Variants in PRKN observed in about 807,000 individuals in gnomAD.
The protein encoded by PRKN is E3 ubiquitin-protein ligase parkin.
A neutral mutation model predicts 59.5 loss-of-function variants in PRKN; 56 were observed. The observed-to-expected ratio is 0.94, with a 90% CI of 0.76 to 1.18. The LOEUF is 1.18. PRKN is among the 50% of genes most tolerant of loss of function. The pLI is 0.00. For synonymous variants in PRKN, 250 were observed against 222.1 expected (o/e 1.13, Z -1.12); for missense variants, 657 against 596.4 (o/e 1.10, Z -1.06).
At chr6:161,809,673 G>A (rs540018702) in intron 6 of PRKN, among the ~76,000 whole-genome samples, 3 of 151,980 alleles carry the variant, frequency 2.0e-5, no homozygotes, top group Admixed American at 6.6e-5. Context: ...CCATTTTGGT[G>A]ATAAAATTTT....
chr6:162,174,093 T>C (rs1343567772), intron 4 of PRKN, among the ~76,000 whole-genome samples: 5 of 152,230 alleles, frequency 3.3e-5, no homozygotes, highest in South Asian at 4.1e-4. Flanking sequence ...TGAGCAATCA[T>C]TGGACAAATA....
intron 4 of PRKN, among the ~76,000 whole-genome samples, chr6:162,059,560 G>A (rs964905437): frequency 2.0e-5 from 3 of 152,172 alleles, no homozygotes; most frequent in African/African-American, 7.2e-5. Flanking sequence ...TAGCAAGAAA[G>A]GTCTTCAGAT....
intron 6 of PRKN, among the ~76,000 whole-genome samples, chr6:161,914,695 C>T (rs75254800): frequency 0.013 from 1,919 of 151,988 alleles, 38 homozygotes; most frequent in African/African-American, 0.042. Flanking sequence ...TGGTTGGTAC[C>T]ATGCAAACAC....
At chr6:162,406,797 C>A (rs1178736838) in intron 2 of PRKN, among the ~76,000 whole-genome samples, 1 of 152,158 alleles carries the variant, frequency 6.6e-6, no homozygotes, top group Non-Finnish European at 1.5e-5. Context: ...TGCATGGCTG[C>A]CACCACTTCC....
chr6:161,586,790 A>C (rs9295157), intron 7 of PRKN, among the ~76,000 whole-genome samples: 80,061 of 152,020 alleles, frequency 0.53, 21,728 homozygotes, highest in East Asian at 0.64. Flanking sequence ...ATAGTGCTTT[A>C]TACAAAAAGT....
intron 2 of PRKN, among the ~76,000 whole-genome samples, chr6:162,297,694 A>C (rs1379095240): frequency 2.0e-5 from 3 of 152,146 alleles, no homozygotes; most frequent in Non-Finnish European, 4.4e-5. Flanking sequence ...GTTCACTTTC[A>C]GAAAAATATA....
intron 1 of PRKN, among the ~76,000 whole-genome samples, chr6:162,628,246 A>C (rs1477197545): frequency 6.6e-6 from 1 of 152,138 alleles, no homozygotes; most frequent in Non-Finnish European, 1.5e-5. Context: ...TAGAGTTGAA[A>C]ATTAAGGTAA....
Position 162,304,747 on chromosome 6 carries a change from T to C in PRKN, c.172-41982A>G, listed in dbSNP as rs1048120974. Among the ~76,000 whole-genome samples the C allele has an allele frequency of 2.7e-5, 4 of 150,888 alleles. 1 individual carries two copies. Among genetic ancestry groups the C allele is most frequent in the Admixed American group, 1.3e-4 (2 of 15,164 alleles). ...AAATTACTAAATAGCTAAGAGCAACTGTCTCAAGGGTCCTGGGGACCTGGA... is the reference window on the plus strand; with the variant it reads ...AAATTACTAAATAGCTAAGAGCAACCGTCTCAAGGGTCCTGGGGACCTGGA... On this transcript the variant is annotated intron_variant, in intron 2 of 11. Transcript: ENST00000366898.
At chr6:161,367,029 C>T (rs1266286148) in intron 10 of PRKN, among the ~76,000 whole-genome samples, 1 of 116,104 alleles carries the variant, frequency 8.6e-6, no homozygotes, top group Non-Finnish European at 1.6e-5. Context: ...GTGGCTCTGT[C>T]GCCCAGGCTG....
intron 1 of PRKN, among the ~76,000 whole-genome samples, chr6:162,500,582 C>A (rs1317720971): frequency 6.6e-6 from 1 of 152,140 alleles, no homozygotes; most frequent in Non-Finnish European, 1.5e-5. Flanking sequence ...GGCTGTGAAA[C>A]CTTAGTAATT....
intron 7 of PRKN, among the ~76,000 whole-genome samples, chr6:161,602,274 G>A (rs896446888): frequency 1.3e-5 from 2 of 151,976 alleles, no homozygotes; most frequent in Admixed American, 6.6e-5. Context: ...AACACAATTA[G>A]AATTTGTGCT....
intron 7 of PRKN, among the ~76,000 whole-genome samples, chr6:161,711,014 A>G (rs74332820): frequency 0.011 from 1,623 of 150,158 alleles, 25 homozygotes; most frequent in African/African-American, 0.038. Context: ...ATTTGATTGT[A>G]GACATGGAGA....
chr6:162,284,560 C>T (rs901054708), intron 2 of PRKN, among the ~76,000 whole-genome samples: 1 of 152,170 alleles, frequency 6.6e-6, no homozygotes, highest in African/African-American at 2.4e-5. Context: ...TGACCTTGAA[C>T]TTTGCCAGTT....
At chr6:162,080,764 G>C (rs943115841) in intron 4 of PRKN, among the ~76,000 whole-genome samples, 3 of 152,028 alleles carry the variant, frequency 2.0e-5, no homozygotes, top group African/African-American at 7.3e-5. Context: ...AATGAAGTTT[G>C]CCGCACTGAT....
intron 7 of PRKN, among the ~76,000 whole-genome samples, chr6:161,660,123 G>A (rs1784491228): frequency 6.6e-6 from 1 of 152,142 alleles, no homozygotes; most frequent in South Asian, 2.1e-4. Flanking sequence ...CTATTAGTCT[G>A]CTATACAACT....
chr6:162,092,564 A>G (rs1361009803), intron 4 of PRKN, among the ~76,000 whole-genome samples: 4 of 152,226 alleles, frequency 2.6e-5, no homozygotes, highest in African/African-American at 9.6e-5. Context: ...TACCTAGTAA[A>G]TAAATATACA....
chr6:161,543,185 C>T (rs574822204), intron 9 of PRKN, among the ~76,000 whole-genome samples: 64 of 152,242 alleles, frequency 4.2e-4, no homozygotes, highest in Non-Finnish European at 8.2e-4. Flanking sequence ...TCCTTTCCTA[C>T]GTTAAAGGCT....
intron 5 of PRKN, among the ~76,000 whole-genome samples, chr6:162,017,370 T>C (rs1055618157): frequency 3.3e-5 from 5 of 152,268 alleles, no homozygotes; most frequent in African/African-American, 1.2e-4. Context: ...ATAGAAACTA[T>C]GAGGGTTAAA....
At chr6:162,371,291 G>A (rs1036668965) in intron 2 of PRKN, among the ~76,000 whole-genome samples, 1 of 152,140 alleles carries the variant, frequency 6.6e-6, no homozygotes, top group Non-Finnish European at 1.5e-5. Context: ...GCAGGTAATA[G>A]GAACTGTCTT....
Sources: gnomAD v4.1 joint callset for allele counts (sites outside exome capture counted in the v4.1 genomes callset) on GRCh38, gnomAD v4.1.1 for gene constraint, MANE v1.5 for transcripts, NCBI Gene and HGNC (gene_info 2026-07-23, HGNC 2026-07-21) for gene names.